The following RPGRIP1L variants were observed in gnomAD, a reference collection of about 807,000 sequenced individuals.
The protein encoded by RPGRIP1L is RPGRIP1 like.
RPGRIP1L carries 131 observed loss-of-function variants against 160.4 expected under a neutral mutation model. That is an observed-to-expected ratio of 0.82 (90% CI 0.71 to 0.94). The LOEUF (loss-of-function observed/expected upper bound fraction) is 0.94. RPGRIP1L is among the 40% of genes least tolerant of loss of function. RPGRIP1L has a pLI of 0.00. For synonymous variants in RPGRIP1L, 510 were observed against 515.8 expected (o/e 0.99, Z 0.15); for missense variants, 1,522 against 1,535.8 (o/e 0.99, Z 0.15).
intron 10 of RPGRIP1L, among the ~76,000 whole-genome samples, chr16:53,663,715 A>T (rs1227284334): frequency 3.3e-5 from 5 of 151,916 alleles, no homozygotes; most frequent in African/African-American, 9.7e-5. Context: ...AAAAAGTCAT[A>T]AAAAAAATCT....
intron 10 of RPGRIP1L, among the ~76,000 whole-genome samples, chr16:53,661,949 T>A (rs1436866785): frequency 1.3e-5 from 2 of 152,194 alleles, no homozygotes; most frequent in Non-Finnish European, 1.5e-5. Context: ...AACTGTTTAT[T>A]TGGGACATAA....
chr16:53,688,051 T>TA, intron 4 of RPGRIP1L, 86 bp from the exon 5 acceptor site: 1 of 828,392 alleles, frequency 1.2e-6, no homozygotes, highest in Non-Finnish European at 2.0e-6. Context: ...ATATTTATAA[T>TA]AAAATCTCTT....
In RPGRIP1L at chr16:53,680,198, G is replaced by T. The variant is rs138401115; in HGVS notation, c.777-5076C>A. The stretch of plus-strand genomic sequence containing the variant: ...TAATAATAAAAACATGAGGATAAAA[G>T]AAATGGTATTTCAGTGTGAAAATTT... On this transcript the variant is annotated intron_variant, in intron 6 of 26. Coordinates refer to ENST00000647211, the MANE Select transcript of RPGRIP1L (RefSeq NM_015272.5). Among the ~76,000 whole-genome samples, 12 of 152,264 alleles carry T rather than the reference G, an allele frequency of 7.9e-5. No individual in the cohort carries two copies. In the East Asian group the frequency reaches 2.3e-3, roughly 29 times the overall value.
chr16:53,627,489 G>A (rs1965259213), intron 22 of RPGRIP1L, among the ~76,000 whole-genome samples: 1 of 152,014 alleles, frequency 6.6e-6, no homozygotes, highest in African/African-American at 2.4e-5. Context: ...TCTTTTTATT[G>A]TTGTTTTTGA....
At chr16:53,642,348 A>C (rs1021431846) in intron 17 of RPGRIP1L, among the ~76,000 whole-genome samples, 12 of 151,984 alleles carry the variant, frequency 7.9e-5, no homozygotes, top group Non-Finnish European at 1.8e-4. Context: ...CACCGGCTCA[A>C]ACCTAAATTT....
chr16:53,636,947 C>G (rs947761328), intron 21 of RPGRIP1L, among the ~76,000 whole-genome samples: 2 of 68,558 alleles, frequency 2.9e-5, no homozygotes, highest in Non-Finnish European at 5.3e-5. Context: ...ATTTGACACA[C>G]ACACACACAC....
intron 1 of RPGRIP1L, chr16:53,701,835 T>C (rs552272300): frequency 6.6e-6 from 1 of 152,240 alleles, no homozygotes; most frequent in Admixed American, 6.5e-5. Flanking sequence ...TGTATATGTA[T>C]ATATGCAATA....
chr16:53,650,451 T>C (rs1214773757), intron 15 of RPGRIP1L, among the ~76,000 whole-genome samples: 1 of 152,182 alleles, frequency 6.6e-6, no homozygotes, highest in Non-Finnish European at 1.5e-5. Flanking sequence ...AAGCTGGGTG[T>C]AGTGGCTCAT....
intron 25 of RPGRIP1L, among the ~76,000 whole-genome samples, chr16:53,610,126 G>A (rs915550535): frequency 1.3e-5 from 2 of 152,046 alleles, no homozygotes; most frequent in Admixed American, 6.6e-5. Flanking sequence ...CCAGCAAGGG[G>A]CACTGGAGAA....
rs1374790196 is a variant in RPGRIP1L at position 53,656,528 on chromosome 16, A to T, written c.1643T>A (p.Val548Glu). 4 of 1,614,088 alleles carry T rather than the reference A, an allele frequency of 2.5e-6. No individual in the cohort carries two copies. In the Admixed American group the frequency reaches 6.7e-5, roughly 27 times the overall value. The change falls in exon 14 of 27, where the codon GTG becomes GAG. Residue 548 changes from valine to glutamate, a missense_variant. Val to Glu is a moderately radical substitution (Grantham distance 121, BLOSUM62 -2). Transcript: ENST00000647211. ...ATCAAGAAGATGAACATACTGTTCC[A>T]CTTTGAGTTCATAATCTTGCTGCAA... ...ENLQQDYELK[V>E]EQYVHLLDIR...
In RPGRIP1L at chr16:53,649,095, T is replaced by A; in HGVS notation, c.2173A>T (p.Asn725Tyr). ...SLIGTKGDIPNFGTVEYWFRL... is the reference protein window; with the variant it reads ...SLIGTKGDIPYFGTVEYWFRL... Reference sequence around the variant, plus strand: ...AACCAGTATTCCACTGTGCCAAAATTTGGGATGTCTCCTTTTGTTCCTACA... The same window carrying A: ...AACCAGTATTCCACTGTGCCAAAATATGGGATGTCTCCTTTTGTTCCTACA... The change falls in exon 16 of 27, where the codon AAT (asparagine) becomes TAT (tyrosine). Residue 725 changes from asparagine (N) to tyrosine (Y), a missense_variant. Transcript: ENST00000647211. The A allele has an allele frequency of 2.5e-6, 4 of 1,614,064 alleles. No individual in the cohort carries two copies. Among genetic ancestry groups the A allele is most frequent in the Non-Finnish European group, 3.4e-6 (4 of 1,179,972 alleles).
intron 1 of RPGRIP1L, among the ~76,000 whole-genome samples, chr16:53,701,491 T>G (rs1267818244): frequency 6.6e-6 from 1 of 150,626 alleles, no homozygotes; most frequent in African/African-American, 2.5e-5. Flanking sequence ...AACTCTATTT[T>G]GAGTATGGAT....
intron 2 of RPGRIP1L, among the ~76,000 whole-genome samples, chr16:53,700,044 G>C (rs963121610): frequency 2.0e-5 from 3 of 152,120 alleles, no homozygotes; most frequent in African/African-American, 7.2e-5. Flanking sequence ...ATGCATGACA[G>C]CATAGCTGAC....
chr16:53,651,914 ATAATT>A (rs1218278394), intron 15 of RPGRIP1L, among the ~76,000 whole-genome samples: 3 of 151,628 alleles, frequency 2.0e-5, no homozygotes, highest in Non-Finnish European at 4.4e-5. Context: ...TAAACCATAA[ATAATT>A]TAAACTATTA....
At chr16:53,682,462 G>C (rs1435036600) in intron 6 of RPGRIP1L, among the ~76,000 whole-genome samples, 1 of 152,146 alleles carries the variant, frequency 6.6e-6, no homozygotes, top group African/African-American at 2.4e-5. Flanking sequence ...TGTTGCTCTA[G>C]TTTCAGGATT....
intron 1 of RPGRIP1L, among the ~76,000 whole-genome samples, chr16:53,701,349 T>TTG (rs973553356): frequency 6.6e-6 from 1 of 151,848 alleles, no homozygotes; most frequent in Non-Finnish European, 1.5e-5. Flanking sequence ...TTGTGTTTTT[T>TTG]TGTGTGTGTG....
At chr16:53,625,617 C>T (rs1287241755) in intron 22 of RPGRIP1L, among the ~76,000 whole-genome samples, 1 of 152,066 alleles carries the variant, frequency 6.6e-6, no homozygotes, top group Non-Finnish European at 1.5e-5. Flanking sequence ...GCCCCTCTGC[C>T]CAGCCGCCAC....
chr16:53,639,511 T>C (rs1966068738), intron 19 of RPGRIP1L, among the ~76,000 whole-genome samples: 1 of 152,132 alleles, frequency 6.6e-6, no homozygotes, highest in Non-Finnish European at 1.5e-5. Flanking sequence ...CATTTTACTA[T>C]TGTTGGACAT....
chr16:53,610,868 G>T, intron 25 of RPGRIP1L, 99 bp downstream of exon 25: 1 of 967,404 alleles, frequency 1.0e-6, no homozygotes, highest in Non-Finnish European at 1.7e-6. Context: ...GAACCCCGAT[G>T]TTCGGCTTCC....
Sources: allele counts gnomAD v4.1 joint callset (sites outside exome capture counted in the v4.1 genomes callset), GRCh38; gene constraint gnomAD v4.1.1; transcripts MANE v1.5; gene names NCBI Gene and HGNC (gene_info 2026-07-23, HGNC 2026-07-21).